CDK7: variants seen among roughly 807,000 people sequenced by gnomAD.
CDK7 encodes the protein cyclin dependent kinase 7, also known as cyclin-dependent kinase 7.
CDK7 carries 25 observed loss-of-function variants against 49.1 expected under a neutral mutation model. The observed-to-expected ratio is 0.51, with a 90% CI of 0.37 to 0.71. CDK7 has a LOEUF of 0.71. CDK7 is among the 30% of genes least tolerant of loss of function. The probability of loss-of-function intolerance (pLI) is 0.00; values close to 1 mark genes in which losing one functional copy is unlikely to be tolerated. For synonymous variants in CDK7, 107 were observed against 140.0 expected (o/e 0.76, Z 1.67); for missense variants, 316 against 411.7 (o/e 0.77, Z 2.01).
chr5:69,235,130 G>A, intron 1 of CDK7, 89 bp downstream of exon 1: 1 of 1,287,682 alleles, frequency 7.8e-7, no homozygotes, highest in Non-Finnish European at 1.1e-6. Context: ...GAGGCCAGAG[G>A]TCTGGCTTGG....
In CDK7 at chr5:69,258,024, T is replaced by TAACC; in HGVS notation, c.298-19_298-18insAACC. 8.6e-7 allele frequency: 1 copy of TAACC among 1,157,184 alleles called. No individual in the cohort carries two copies. Among genetic ancestry groups the TAACC allele is most frequent in the Non-Finnish European group, 1.3e-6 (1 of 779,574 alleles). The allele number at this position is 1,157,184 out of a possible 1,614,324, so 71.7% of individuals were successfully genotyped here. ...TGAAATAATAAAGGGTACCTGTATA[T>TAACC]TGTATACTTGCTTTACAGGTTATAA... is the stretch of plus-strand genomic sequence containing the variant. On this transcript the variant is annotated intron_variant, in intron 5 of 11. Transcript: ENST00000256443.
chr5:69,254,057 G>A (rs1750322117), intron 3 of CDK7, among the ~76,000 whole-genome samples: 1 of 152,172 alleles, frequency 6.6e-6, no homozygotes, highest in Non-Finnish European at 1.5e-5. Flanking sequence ...CCGAGATCAT[G>A]CCACTGCACT....
At chr5:69,250,842 G>C (rs1750089922) in intron 2 of CDK7, 6 of 456,560 alleles carry the variant, frequency 1.3e-5, no homozygotes, top group South Asian at 4.6e-5. Context: ...GTGAGGCCCT[G>C]GTTACCACTG....
intron 2 of CDK7, among the ~76,000 whole-genome samples, chr5:69,245,254 A>G (rs1244186957): frequency 3.4e-5 from 5 of 146,602 alleles, no homozygotes; most frequent in African/African-American, 1.0e-4. Context: ...TATTGGTATT[A>G]GCCCCCTCCC....
At chr5:69,268,846 A>AAAG (rs1751337107) in intron 8 of CDK7, among the ~76,000 whole-genome samples, 1 of 150,612 alleles carries the variant, frequency 6.6e-6, no homozygotes, top group Non-Finnish European at 1.5e-5. Flanking sequence ...AAAAAAAAAA[A>AAAG]AAAACCCATC....
At chr5:69,267,561 T>G (rs1410125369) in intron 8 of CDK7, among the ~76,000 whole-genome samples, 2 of 152,120 alleles carry the variant, frequency 1.3e-5, no homozygotes, top group African/African-American at 4.8e-5. Flanking sequence ...CCTCCTAAAG[T>G]GCTGGGATTA....
intron 9 of CDK7, among the ~76,000 whole-genome samples, chr5:69,270,589 C>G (rs1309070271): frequency 2.0e-5 from 3 of 152,198 alleles, no homozygotes; most frequent in Non-Finnish European, 4.4e-5. Flanking sequence ...AAGAATCTCT[C>G]ATGGTATTCT....
chr5:69,243,581 T>C (rs1162256608), intron 2 of CDK7, among the ~76,000 whole-genome samples: 1 of 152,166 alleles, frequency 6.6e-6, no homozygotes, highest in African/African-American at 2.4e-5. Context: ...TCCTCCCTTT[T>C]GTTCTTTTTT....
At chr5:69,245,186 C>T (rs1010213359) in intron 2 of CDK7, among the ~76,000 whole-genome samples, 1 of 151,720 alleles carries the variant, frequency 6.6e-6, no homozygotes, top group African/African-American at 2.4e-5. Flanking sequence ...TAATACTGGC[C>T]CCATAGAATG....
chr5:69,273,003 T>C lies in CDK7; in HGVS notation c.826T>C (p.Phe276Leu). 1 of 1,584,998 alleles carries C rather than the reference T, an allele frequency of 6.3e-7. No homozygotes were observed. Among genetic ancestry groups the C allele is most frequent in the Non-Finnish European group, 8.6e-7 (1 of 1,162,634 alleles). Residue 276 changes from phenylalanine to leucine, a missense_variant, in exon 10 of 12, where the codon TTC (phenylalanine) becomes CTC (leucine). By Grantham distance (22) the Phe-to-Leu change is conservative. Transcript: ENST00000256443. ...CTTACTAGATCTCATACAAGGCTTA[T>C]TCTTATTTAATCCATGTGCTCGAAT... ...DDLLDLIQGL[F>L]LFNPCARITA... is the part of the protein sequence containing the mutation.
Position 69,234,965 on chromosome 5 carries a change from TA to T in CDK7, c.-10del. The stretch of plus-strand genomic sequence containing the variant: ...GCCCTTTTCGGCTGGAGTCGGGCTT[TA>T]CGGCGCCGGATGGCTCTGGACGTGA... On this transcript the variant is annotated 5_prime_UTR_variant, in exon 1 of 12. Transcript: ENST00000256443. 6.3e-7 allele frequency: 1 copy of T among 1,589,772 alleles called. No individual in the cohort carries two copies. The highest frequency in any genetic ancestry group is 8.6e-7 in the Non-Finnish European group (1 of 1,168,348).
rs767707690 is a variant in CDK7 at position 69,235,046 on chromosome 5, G to A, written c.66+5G>A. ...GACTTCCTTGGGGAGGGACAGGTGA[G>A]GCTCTCTGGAAGGACGGGGAGGGCC... On this transcript the variant is annotated splice_donor_5th_base_variant and intron_variant, in intron 1 of 11. Transcript: ENST00000256443. 2.5e-6 allele frequency: 4 copies of A among 1,599,390 alleles called. No homozygotes were observed. The Admixed American group carries it at 5.2e-5, about 21-fold the overall frequency.
chr5:69,237,628 T>C (rs145609281), intron 2 of CDK7, among the ~76,000 whole-genome samples: 107 of 152,328 alleles, frequency 7.0e-4, no homozygotes, highest in African/African-American at 2.5e-3. Flanking sequence ...GGGCCATGGC[T>C]AGTACATTTG....
chr5:69,267,548 C>T (rs1389144173), intron 8 of CDK7, among the ~76,000 whole-genome samples: 3 of 152,070 alleles, frequency 2.0e-5, no homozygotes, highest in Non-Finnish European at 4.4e-5. Context: ...CCACTCGCCT[C>T]ACCCTCCTAA....
chr5:69,277,075 CTT>C lies in CDK7; in HGVS notation c.1013-23_1013-22del. 2.8e-6 allele frequency: 4 copies of C among 1,437,564 alleles called. No homozygotes were observed. The Admixed American group carries it at 6.1e-5, about 22-fold the overall frequency. 89.1% of individuals were successfully genotyped at this position (1,437,564 alleles called of 1,614,324 possible). Reference sequence around the variant, plus strand: ...TGTGAACTTTGTTAAATGTGAACAACTTTTTTTTTTCTTGTTCTTTTTGCTTC... The same window carrying C: ...TGTGAACTTTGTTAAATGTGAACAACTTTTTTTTCTTGTTCTTTTTGCTTC... On this transcript the variant is annotated intron_variant, in intron 11 of 11. Coordinates refer to ENST00000256443, the MANE Select transcript of CDK7 (RefSeq NM_001799.4).
At chr5:69,256,356 T>A (rs1750491143) in intron 5 of CDK7, among the ~76,000 whole-genome samples, 1 of 152,098 alleles carries the variant, frequency 6.6e-6, no homozygotes, top group African/African-American at 2.4e-5. Flanking sequence ...TGTTTTTGTT[T>A]TTGTTTTGTT....
At chr5:69,243,838 T>TG (rs1262271327) in intron 2 of CDK7, among the ~76,000 whole-genome samples, 23 of 139,274 alleles carry the variant, frequency 1.7e-4, no homozygotes, top group African/African-American at 5.6e-4. Flanking sequence ...TTTTTTTTTT[T>TG]TTTTTTTTTT....
rs1325277898 is a variant in CDK7 at position 69,255,457 on chromosome 5, C to A, written c.229-3C>A. On this transcript the variant is annotated splice_polypyrimidine_tract_variant and splice_region_variant and intron_variant, in intron 4 of 11. Coordinates refer to ENST00000256443, the MANE Select transcript of CDK7 (RefSeq NM_001799.4). ...ATCACATTTTAATTTTTTAACTTTG[C>A]AGCTCCTTGATGCTTTTGGACATAA... 1 of 1,536,134 alleles carries A rather than the reference C, an allele frequency of 6.5e-7. No individual in the cohort carries two copies. The highest frequency in any genetic ancestry group is 8.8e-7 in the Non-Finnish European group (1 of 1,134,876).
chr5:69,241,145 T>A (rs1749344328), intron 2 of CDK7, among the ~76,000 whole-genome samples: 1 of 152,074 alleles, frequency 6.6e-6, no homozygotes, highest in Non-Finnish European at 1.5e-5. Context: ...TTTTTAGTTT[T>A]TTGAGGAACC....
Sources: allele counts gnomAD v4.1 joint callset (sites outside exome capture counted in the v4.1 genomes callset), GRCh38; gene constraint gnomAD v4.1.1; transcripts MANE v1.5; gene names NCBI Gene and HGNC (gene_info 2026-07-23, HGNC 2026-07-21).